PAGE4: variants seen among roughly 807,000 people sequenced by gnomAD.
PAGE4 encodes PAGE family member 4, also known as P antigen family member 4.
In PAGE4, 1 loss-of-function variant was observed where a neutral mutation model predicts 8.5. That is an observed-to-expected ratio of 0.12 (90% CI 0.04 to 0.56). The LOEUF is 0.56. PAGE4 is among the 20% of genes least tolerant of loss of function. The pLI is 0.91. For missense variants in PAGE4, 93 were observed against 82.7 expected (o/e 1.13, Z -0.49); for synonymous variants, 26 against 26.3 (o/e 0.99, Z 0.04).
chrX:49,833,751 T>C (rs1163059722), intron 4 of PAGE4, 95 bp from the exon 5 acceptor site: 1 of 640,102 alleles, frequency 1.6e-6, no homozygotes, highest in East Asian at 3.4e-5. Context: ...AATTTCATCT[T>C]AAGAAACCAA....
At position 49,833,976 on chromosome X, in the gene PAGE4, C is replaced by A; in HGVS notation, c.*114C>A. ...TTGAGTTTTCTCTGAAGAAGTCATGCGTGTCTTTTGTAAAATTTATTCCTA... is the reference window on the plus strand; with the variant it reads ...TTGAGTTTTCTCTGAAGAAGTCATGAGTGTCTTTTGTAAAATTTATTCCTA... On this transcript the variant is annotated 3_prime_UTR_variant, in exon 5 of 5. Coordinates refer to ENST00000218068, the MANE Select transcript of PAGE4 (RefSeq NM_007003.4). 3 of 509,140 alleles carry A rather than the reference C, an allele frequency of 5.9e-6. No homozygotes were observed. The highest frequency in any genetic ancestry group is 1.0e-5 in the Non-Finnish European group (3 of 298,424). 42.0% of individuals were successfully genotyped at this position (509,140 alleles called of 1,213,427 possible).
chrX:49,833,970 G>C lies in PAGE4; in HGVS notation c.*108G>C, dbSNP rs1371670529. 3.8e-6 allele frequency: 2 copies of C among 524,055 alleles called. No individual in the cohort carries two copies. Among genetic ancestry groups the C allele is most frequent in the East Asian group, 7.3e-5 (2 of 27,469 alleles). The allele number at this position is 524,055 out of a possible 1,213,427, so 43.2% of individuals were successfully genotyped here. On this transcript the variant is annotated 3_prime_UTR_variant, in exon 5 of 5. Coordinates refer to ENST00000218068, the MANE Select transcript of PAGE4 (RefSeq NM_007003.4). The stretch of plus-strand genomic sequence containing the variant: ...TAAAGTTTGAGTTTTCTCTGAAGAA[G>C]TCATGCGTGTCTTTTGTAAAATTTA...
rs1324072301 is a variant in PAGE4 at position 49,830,501 on chromosome X, G to C, written c.73G>C (p.Val25Leu). The C allele has an allele frequency of 8.6e-7, 1 of 1,162,195 alleles. No homozygotes were observed. The highest frequency in any genetic ancestry group is 1.2e-6 in the Non-Finnish European group (1 of 856,187). The change falls in exon 2 of 5, where the codon GTG (valine) becomes CTG (leucine). Residue 25 changes from valine (V) to leucine (L), a missense_variant. Val to Leu is a conservative substitution (Grantham distance 32). Coordinates refer to ENST00000218068, the MANE Select transcript of PAGE4 (RefSeq NM_007003.4). ...GQEAPDVVAF[V>L]APGESQQEEP... Reference sequence around the variant, plus strand: ...GGAGGCTCCCGATGTGGTTGCATTCGTGGCTGTGAGTACATTTCAGTATCT... The same window carrying C: ...GGAGGCTCCCGATGTGGTTGCATTCCTGGCTGTGAGTACATTTCAGTATCT...
At chrX:49,832,679 T>TG in intron 4 of PAGE4, 29 bp downstream of exon 4, 1 of 1,156,770 alleles carries the variant, frequency 8.6e-7, no homozygotes, top group Non-Finnish European at 1.2e-6. Context: ...ATGGAAGTCA[T>TG]GGGGTTACTC....
Position 49,830,599 on chromosome X carries a change from A to G in PAGE4, c.78+93A>G, listed in dbSNP as rs1923446890. On this transcript the variant is annotated intron_variant, in intron 2 of 4. Coordinates refer to ENST00000218068, the MANE Select transcript of PAGE4 (RefSeq NM_007003.4). The stretch of plus-strand genomic sequence containing the variant: ...TTGTTAACCAATATAGATCTGTTAT[A>G]TAAAGGACTTCCCTGCTGAAAATAG... 5.1e-6 allele frequency: 3 copies of G among 582,761 alleles called. No homozygotes were observed. The Admixed American group carries it at 1.1e-4, about 21-fold the overall frequency. The allele number at this position is 582,761 out of a possible 1,213,427, so 48.0% of individuals were successfully genotyped here.
intron 3 of PAGE4, among the ~76,000 whole-genome samples, chrX:49,832,046 C>T (rs1923493536): frequency 8.9e-6 from 1 of 111,867 alleles, no homozygotes; most frequent in African/African-American, 3.2e-5. Flanking sequence ...TCTTTCTTTG[C>T]ATATCATGAC....
intron 3 of PAGE4, 70 bp downstream of exon 3, chrX:49,831,154 C>A (rs1923468092): frequency 1.4e-6 from 1 of 727,996 alleles, no homozygotes; most frequent in African/African-American, 2.2e-5. Flanking sequence ...AATAAATAAA[C>A]CATCCCCTAA....
At position 49,832,607 on chromosome X, in the gene PAGE4, G is replaced by T. The variant is rs782797037; in HGVS notation, c.249G>T (p.Glu83Asp). 3 of 1,200,988 alleles carry T rather than the reference G, an allele frequency of 2.5e-6. No homozygotes were observed. Among genetic ancestry groups the T allele is most frequent in the Admixed American group, 4.4e-5 (2 of 45,087 alleles). Residue 83 changes from glutamate (E) to aspartate (D), a missense_variant, in exon 4 of 5, where the codon GAG (glutamate) becomes GAT (aspartate). Transcript: ENST00000218068. ...SERGDGSDVK[E>D]KTPPNPKHAK... ...GTGGAGATGGCTCTGATGTAAAAGA[G>T]AAGACTCCACCTAATCCTAAGCATG...
intron 4 of PAGE4, among the ~76,000 whole-genome samples, chrX:49,833,124 T>C (rs1557156795): frequency 8.9e-6 from 1 of 112,147 alleles, no homozygotes; most frequent in African/African-American, 3.2e-5. Context: ...CATTTTAATG[T>C]CATCTATATG....
intron 1 of PAGE4, 180 bp downstream of exon 1, chrX:49,829,531 A>G (rs1331392544): frequency 1.8e-5 from 2 of 111,694 alleles, no homozygotes; most frequent in African/African-American, 6.6e-5. Flanking sequence ...GGGTCAGCCA[A>G]GATGCTGTGA....
intron 1 of PAGE4, chrX:49,830,057 A>G (rs1432180433): frequency 9.6e-5 from 12 of 124,974 alleles, no homozygotes; most frequent in Non-Finnish European, 1.9e-4. Context: ...GAAACTGCCG[A>G]AAGAGGACAG....
At chrX:49,830,868 A>G in intron 2 of PAGE4, 129 bp from the exon 3 acceptor site, 1 of 490,510 alleles carries the variant, frequency 2.0e-6, no homozygotes, top group Non-Finnish European at 3.5e-6. Flanking sequence ...TACAGAGAAG[A>G]TAGGAAAAAC....
At chrX:49,832,957 T>C (rs1476235875) in intron 4 of PAGE4, among the ~76,000 whole-genome samples, 2 of 112,045 alleles carry the variant, frequency 1.8e-5, no homozygotes, top group Non-Finnish European at 3.8e-5. Context: ...ACACATAGTG[T>C]TCCTTTAAGA....
At chrX:49,831,452 C>G (rs1557156607) in intron 3 of PAGE4, 1 of 162,624 alleles carries the variant, frequency 6.1e-6, no homozygotes, top group Admixed American at 8.5e-5. Context: ...TTTGAGCAAA[C>G]CATATATTAT....
rs1923511033 is a variant in PAGE4 at position 49,832,599 on chromosome X, G to A, written c.241G>A (p.Val81Ile). 8.3e-7 allele frequency: 1 copy of A among 1,200,111 alleles called. No homozygotes were observed. The highest frequency in any genetic ancestry group is 2.3e-4 in the Middle Eastern group (1 of 4,331). The change falls in exon 4 of 5, where the codon GTA (valine) becomes ATA (isoleucine). Residue 81 changes from valine to isoleucine, a missense_variant. By Grantham distance (29) the Val-to-Ile change is conservative (BLOSUM62 3). Coordinates refer to ENST00000218068, the MANE Select transcript of PAGE4 (RefSeq NM_007003.4). ...TRSERGDGSD[V>I]KEKTPPNPKH... ...GAGTGAGCGTGGAGATGGCTCTGAT[G>A]TAAAAGAGAAGACTCCACCTAATCC...
In PAGE4 at chrX:49,834,072, T is replaced by C. The variant is rs1347465637; in HGVS notation, c.*210T>C. The C allele has an allele frequency of 2.7e-6, 1 of 376,667 alleles. No individual in the cohort carries two copies. The highest frequency in any genetic ancestry group is 4.0e-5 in the East Asian group (1 of 24,771). 31.0% of individuals were successfully genotyped at this position (376,667 alleles called of 1,213,427 possible). A position where few individuals can be genotyped will look rare whatever the true frequency, so the allele number is the denominator to read the frequency against. On this transcript the variant is annotated 3_prime_UTR_variant, in exon 5 of 5. Coordinates refer to ENST00000218068, the MANE Select transcript of PAGE4 (RefSeq NM_007003.4). Reference sequence around the variant, plus strand: ...TTCTGTTTAGAGCTGGTATATATTTTTGTATACTGATTTTGTGTTGGGCAA... The same window carrying C: ...TTCTGTTTAGAGCTGGTATATATTTCTGTATACTGATTTTGTGTTGGGCAA...
Position 49,832,678 on chromosome X carries a change from A to C in PAGE4, c.292+28A>C, listed in dbSNP as rs375037518. On this transcript the variant is annotated intron_variant, in intron 4 of 4. Transcript: ENST00000218068. ...ACGTTATTCATTCGGAATGGAAGTCATGGGGTTACTCTTTTTCTATAATAT... is the reference window on the plus strand; with the variant it reads ...ACGTTATTCATTCGGAATGGAAGTCCTGGGGTTACTCTTTTTCTATAATAT... The C allele has an allele frequency of 9.4e-5, 108 of 1,151,714 alleles. No individual in the cohort carries two copies. The African/African-American group carries it at 1.8e-3, about 20-fold the overall frequency. The allele number at this position is 1,151,714 out of a possible 1,213,427, so 94.9% of individuals were successfully genotyped here. A position where few individuals can be genotyped will look rare whatever the true frequency, so the allele number is the denominator to read the frequency against.
At chrX:49,833,320 C>T (rs1923534110) in intron 4 of PAGE4, among the ~76,000 whole-genome samples, 1 of 111,968 alleles carries the variant, frequency 8.9e-6, no homozygotes, top group Non-Finnish European at 1.9e-5. Flanking sequence ...AAAGAATCCA[C>T]ATAAAGATTT....
In PAGE4 at chrX:49,830,755, A is replaced by G. The variant is rs61052303; in HGVS notation, c.79-242A>G. The G allele has an allele frequency of 1.7e-3, 745 of 430,195 alleles. 4 individuals are homozygous for G. Among genetic ancestry groups the G allele is most frequent in the African/African-American group, 0.015 (601 of 40,123 alleles). 35.5% of individuals were successfully genotyped at this position (430,195 alleles called of 1,213,427 possible). On this transcript the variant is annotated intron_variant, in intron 2 of 4. Transcript: ENST00000218068. ...CCTATCATGCTTATTAATAAATAATACAGCCCAGAGAAGATGAAAATGGGT... is the reference window on the plus strand; with the variant it reads ...CCTATCATGCTTATTAATAAATAATGCAGCCCAGAGAAGATGAAAATGGGT...
Sources: allele counts gnomAD v4.1 joint callset (sites outside exome capture counted in the v4.1 genomes callset), GRCh38; gene constraint gnomAD v4.1.1; transcripts MANE v1.5; gene names NCBI Gene and HGNC (gene_info 2026-07-23, HGNC 2026-07-21).